Variants in LHX8 observed in about 807,000 individuals in gnomAD.
The protein encoded by LHX8 is LIM/homeobox protein Lhx8.
Under a neutral mutation model 40.3 loss-of-function variants are expected in LHX8, and 12 were observed. The ratio of observed to expected loss-of-function variants is 0.30; its 90% CI spans 0.19 to 0.48. The LOEUF (loss-of-function observed/expected upper bound fraction) is 0.48. Ranked by LOEUF, LHX8 falls within the 20% of genes least tolerant of loss-of-function variation. The pLI is 0.99. For missense variants in LHX8, 344 were observed against 433.7 expected (o/e 0.79, Z 1.84); for synonymous variants, 179 against 162.0 (o/e 1.10, Z -0.80).
At chr1:75,132,091 G>A (rs900798175), upstream of LHX8, 6 of 152,180 alleles carry the variant, frequency 3.9e-5, no homozygotes, top group African/African-American at 1.4e-4. Flanking sequence ...GCGCACCCCT[G>A]TAAAGTAGGA....
chr1:75,180,650 G>A, the LHX8 span, among the ~76,000 whole-genome samples: 15 of 152,026 alleles, frequency 9.9e-5, no homozygotes, highest in South Asian at 4.1e-4. Context: ...TCTTTAGCTC[G>A]GAGAAGTTTG....
intron 3 of LHX8, among the ~76,000 whole-genome samples, chr1:75,137,547 T>G (rs72679684): frequency 5.7e-4 from 87 of 152,272 alleles, no homozygotes; most frequent in Non-Finnish European, 6.2e-4. Flanking sequence ...TGGCTTGTAG[T>G]GGAAGGGAAG....
At chr1:75,131,109 G>T (rs1321779968), upstream of LHX8, 1 of 348,638 alleles carries the variant, frequency 2.9e-6, no homozygotes, top group Non-Finnish European at 5.5e-6. Flanking sequence ...CCTGCAGGCC[G>T]CCCGGGAGTC....
rs568270447 is a variant in LHX8, at chr1:75,143,831, T to G, written c.581-14T>G. On this transcript the variant is annotated splice_polypyrimidine_tract_variant and intron_variant, in intron 5 of 8. Transcript: ENST00000356261. ...TTGAATTACCAACATATATAGTGTG[T>G]TTTTTAAATGCAGGGAATGGGATTA... The G allele has an allele frequency of 5.5e-5, 88 of 1,597,742 alleles. No homozygotes were observed. In the South Asian group the frequency reaches 7.3e-4, roughly 13 times the overall value.
chr1:75,196,739 A>G, the LHX8 span, among the ~76,000 whole-genome samples: 1 of 152,238 alleles, frequency 6.6e-6, no homozygotes, highest in Non-Finnish European at 1.5e-5. Flanking sequence ...ATTTCTTGAT[A>G]GCAGCAATAG....
chr1:75,137,367 G>C, intron 3 of LHX8, 106 bp downstream of exon 3: 1 of 1,224,328 alleles, frequency 8.2e-7, no homozygotes, highest in South Asian at 1.3e-5. Context: ...CAAGTTCTGG[G>C]TGAAGGTTGT....
intron 2 of LHX8, 125 bp downstream of exon 2, chr1:75,136,814 G>A (rs1648153870): frequency 1.3e-6 from 1 of 774,486 alleles, no homozygotes; most frequent in Non-Finnish European, 2.1e-6. Flanking sequence ...ACAGAGGACG[G>A]GGCGGAGAGG....
chr1:75,168,833 G>A, the LHX8 span, among the ~76,000 whole-genome samples: 7 of 152,078 alleles, frequency 4.6e-5, no homozygotes, highest in Admixed American at 4.6e-4. Flanking sequence ...ATCATATGCT[G>A]CTTGTTTTAC....
At chr1:75,142,423 A>G (rs1648340754) in intron 4 of LHX8, among the ~76,000 whole-genome samples, 1 of 152,182 alleles carries the variant, frequency 6.6e-6, no homozygotes, top group Admixed American at 6.5e-5. Context: ...AACTATTTAC[A>G]TATAGCTTTG....
chr1:75,183,586 T>C, the LHX8 span, among the ~76,000 whole-genome samples: 2 of 152,204 alleles, frequency 1.3e-5, no homozygotes. Context: ...TGAGGGAGTT[T>C]GTTACCACTA....
chr1:75,154,579 C>T (rs185742148), intron 7 of LHX8, among the ~76,000 whole-genome samples: 33 of 152,166 alleles, frequency 2.2e-4, no homozygotes, highest in South Asian at 1.7e-3. Context: ...GGAAAAAGGC[C>T]GGTGGCAGTG....
Position 75,160,990 on chromosome 1 carries a change from T to G in LHX8, c.*95T>G. 1.1e-6 allele frequency: 1 copy of G among 949,062 alleles called. No individual in the cohort carries two copies. The highest frequency in any genetic ancestry group is 2.6e-5 in the East Asian group (1 of 38,704). 58.8% of individuals were successfully genotyped at this position (949,062 alleles called of 1,614,324 possible). On this transcript the variant is annotated 3_prime_UTR_variant, in exon 9 of 9. Transcript: ENST00000356261. ...AAAGATATTACTGTTAATTTTTTAT[T>G]TAACACCTAAAGCATTTCCAACATC...
rs1489397568 is a variant in LHX8, at chr1:75,143,867, T to G, written c.603T>G (p.Gly201=). 6 of 1,613,036 alleles carry G rather than the reference T, an allele frequency of 3.7e-6. No individual in the cohort carries two copies. The highest frequency in any genetic ancestry group is 5.1e-6 in the Non-Finnish European group (6 of 1,179,282). Residue 201 remains glycine, a synonymous_variant, in exon 6 of 9, where the codon GGT becomes GGG. Transcript: ENST00000356261. The part of the protein sequence containing the change: ...VENGNGISVE[G]ALLTEQDVNH... ...CAGGGAATGGGATTAGTGTGGAAGG[T>G]GCCCTCCTCACAGAGCAAGATGTTA... is the stretch of plus-strand genomic sequence containing the variant.
chr1:75,194,330 G>A, the LHX8 span, among the ~76,000 whole-genome samples: 1 of 152,286 alleles, frequency 6.6e-6, no homozygotes, highest in African/African-American at 2.4e-5. Context: ...ATAGTGAGGG[G>A]GCCACTGAGG....
At chr1:75,184,666 G>A in the LHX8 span, among the ~76,000 whole-genome samples, 1 of 152,082 alleles carries the variant, frequency 6.6e-6, no homozygotes, top group African/African-American at 2.4e-5. Flanking sequence ...CAAAAAGTTA[G>A]AAAGATCTCA....
chr1:75,170,215 C>T, the LHX8 span, among the ~76,000 whole-genome samples: 1 of 152,098 alleles, frequency 6.6e-6, no homozygotes, highest in Non-Finnish European at 1.5e-5. Context: ...GATTTTAGAC[C>T]AGTCACCTTG....
downstream of LHX8, among the ~76,000 whole-genome samples, chr1:75,162,796 A>G (rs1648948340): frequency 6.6e-6 from 1 of 152,196 alleles, no homozygotes; most frequent in South Asian, 2.1e-4. Context: ...CAGAGATCTT[A>G]TTTTTAAAAC....
intron 4 of LHX8, among the ~76,000 whole-genome samples, chr1:75,142,471 G>A (rs1008489349): frequency 6.6e-6 from 1 of 152,072 alleles, no homozygotes; most frequent in African/African-American, 2.4e-5. Flanking sequence ...GTCCAGTTAG[G>A]ACTCTGAAAA....
At chr1:75,187,194 C>T in the LHX8 span, among the ~76,000 whole-genome samples, 1 of 152,182 alleles carries the variant, frequency 6.6e-6, no homozygotes, top group Non-Finnish European at 1.5e-5. Flanking sequence ...AGGCTTCCTT[C>T]TTATTCCCAC....
Sources: gnomAD v4.1 joint callset for allele counts (sites outside exome capture counted in the v4.1 genomes callset) on GRCh38, gnomAD v4.1.1 for gene constraint, MANE v1.5 for transcripts, NCBI Gene and HGNC (gene_info 2026-07-23, HGNC 2026-07-21) for gene names.